Variants in PTK2B observed in about 807,000 individuals in gnomAD.
PTK2B encodes protein-tyrosine kinase 2-beta.
PTK2B carries 71 observed loss-of-function variants against 142.9 expected under a neutral mutation model. The ratio of observed to expected loss-of-function variants is 0.50; its 90% confidence interval spans 0.41 to 0.61. The LOEUF (loss-of-function observed/expected upper bound fraction) is 0.61, where lower values mean the gene tolerates loss of function less well. PTK2B is among the 20% of genes least tolerant of loss of function. PTK2B has a pLI of 0.00. For synonymous variants in PTK2B, 519 were observed against 503.4 expected (o/e 1.03, Z -0.42); for missense variants, 1,105 against 1,320.4 (o/e 0.84, Z 2.53).
intron 2 of PTK2B, among the ~76,000 whole-genome samples, chr8:27,401,924 A>G (rs1360469643): frequency 2.0e-5 from 3 of 152,150 alleles, no homozygotes; most frequent in Non-Finnish European, 4.4e-5. Context: ...AGTAGTGGTG[A>G]TGGTAGTGAT....
At chr8:27,329,329 C>T (rs112048175) in intron 1 of PTK2B, among the ~76,000 whole-genome samples, 6 of 152,314 alleles carry the variant, frequency 3.9e-5, no homozygotes, top group Non-Finnish European at 7.3e-5. Flanking sequence ...GGCCATGTTT[C>T]ATCGTGCAGA....
chr8:27,458,385 G>A lies in PTK2B; in HGVS notation c.2906G>A (p.Ser969Asn), dbSNP rs565067064. ...CAGCAGAACGCCGTGACCTCCCTAAGTGAGGAGTGCAAGAGGCAGATGCTG... is the reference window on the plus strand; with the variant it reads ...CAGCAGAACGCCGTGACCTCCCTAAATGAGGAGTGCAAGAGGCAGATGCTG... ...LAQQNAVTSL[S>N]EECKRQMLTA... is the part of the protein sequence containing the mutation. Residue 969 changes from serine to asparagine, a missense_variant, in exon 31 of 31, where the codon AGT (serine) becomes AAT (asparagine). Transcript: ENST00000346049. The A allele has an allele frequency of 2.4e-5, 38 of 1,613,606 alleles. No homozygotes were observed. Among genetic ancestry groups the A allele is most frequent in the Admixed American group, 1.3e-4 (8 of 59,946 alleles).
At chr8:27,328,912 A>G (rs1477613023) in intron 1 of PTK2B, among the ~76,000 whole-genome samples, 1 of 151,242 alleles carries the variant, frequency 6.6e-6, no homozygotes, top group African/African-American at 2.4e-5. Context: ...CTTAGAGAAG[A>G]TCTTCAAGGA....
At chr8:27,397,924 A>T in intron 2 of PTK2B, 136 bp downstream of exon 2, 1 of 1,110,754 alleles carries the variant, frequency 9.0e-7, no homozygotes, top group Non-Finnish European at 1.3e-6. Context: ...CATCAGAGAG[A>T]TGTGCTCAGC....
At position 27,454,137 on chromosome 8, in the gene PTK2B, C is replaced by A. The variant is rs2132519745; in HGVS notation, c.2596-17C>A. ...TGGCTCTCCCCAACTCACTGGCCAC[C>A]TGCGTCTTCCCCTCAGTCCATCCAG... On this transcript the variant is annotated splice_polypyrimidine_tract_variant and intron_variant, in intron 28 of 30. Coordinates refer to ENST00000346049, the MANE Select transcript of PTK2B (RefSeq NM_173176.3). 6.2e-7 allele frequency: 1 copy of A among 1,613,902 alleles called. No homozygotes were observed. Among genetic ancestry groups the A allele is most frequent in the East Asian group, 2.2e-5 (1 of 44,878 alleles).
intron 5 of PTK2B, among the ~76,000 whole-genome samples, 164 bp downstream of exon 5, chr8:27,422,547 G>T (rs989821493): frequency 7.9e-5 from 12 of 152,282 alleles, no homozygotes; most frequent in African/African-American, 2.9e-4. Flanking sequence ...CTGGGTGTTG[G>T]GTCTTCAGGA....
chr8:27,413,930 TTATC>T (rs1202168104), intron 2 of PTK2B, among the ~76,000 whole-genome samples: 1 of 152,220 alleles, frequency 6.6e-6, no homozygotes, highest in Non-Finnish European at 1.5e-5. Context: ...CCCCAATTAT[TTATC>T]TGTCTTAGAT....
At chr8:27,365,103 C>A (rs1035400098) in intron 1 of PTK2B, among the ~76,000 whole-genome samples, 4 of 152,234 alleles carry the variant, frequency 2.6e-5, no homozygotes, top group African/African-American at 9.6e-5. Flanking sequence ...CCTGGAAGGT[C>A]CAACTCATAT....
At chr8:27,321,588 G>C (rs1177064155), upstream of PTK2B, among the ~76,000 whole-genome samples, 1 of 152,192 alleles carries the variant, frequency 6.6e-6, no homozygotes, top group African/African-American at 2.4e-5. Context: ...TTGTCAGGTG[G>C]AGGTGGAAAA....
At position 27,354,994 on chromosome 8, in the gene PTK2B, C is replaced by T. The variant is rs573405326; in HGVS notation, c.-38+29313C>T. Reference sequence around the variant, plus strand: ...GAGGGAATGATGTTCTTACAGTAAACGACTCTTTTTGATTCTGCCTCTTAA... The same window carrying T: ...GAGGGAATGATGTTCTTACAGTAAATGACTCTTTTTGATTCTGCCTCTTAA... On this transcript the variant is annotated intron_variant, in intron 1 of 30. Coordinates refer to ENST00000346049, the MANE Select transcript of PTK2B (RefSeq NM_173176.3). Among the ~76,000 whole-genome samples the T allele has an allele frequency of 1.9e-4, 29 of 152,276 alleles. No homozygotes were observed. In the East Asian group the frequency reaches 4.2e-3, roughly 22 times the overall value.
At position 27,453,148 on chromosome 8, in the gene PTK2B, G is replaced by A. The variant is rs902103386; in HGVS notation, c.2583G>A (p.Arg861=). ...CAGGGCCCCCACAGAAGCCCCCGAG[G>A]CTGGGCGCACAGGTATGTGTTGGCT... The part of the protein sequence containing the change: ...EFTGPPQKPP[R]LGAQSIQPTA... Residue 861 remains arginine, a synonymous_variant, in exon 28 of 31, where the codon AGG becomes AGA. Transcript: ENST00000346049. 6.2e-7 allele frequency: 1 copy of A among 1,614,158 alleles called. No individual in the cohort carries two copies. Among genetic ancestry groups the A allele is most frequent in the Admixed American group, 1.7e-5 (1 of 60,028 alleles).
At position 27,403,718 on chromosome 8, in the gene PTK2B, C is replaced by T. The variant is rs149379405; in HGVS notation, c.204+5930C>T. 6.6e-5 allele frequency among the ~76,000 whole-genome samples: 10 copies of T among 152,102 alleles called. No individual in the cohort carries two copies. The East Asian group carries it at 9.7e-4, about 15-fold the overall frequency. ...AACAACTGGCAGAGTGGCACCCAGA[C>T]GTGCCCACACAGGGCGGCTCTCTTT... On this transcript the variant is annotated intron_variant, in intron 2 of 30. Transcript: ENST00000346049.
At chr8:27,414,129 T>A (rs1809234824) in intron 2 of PTK2B, among the ~76,000 whole-genome samples, 1 of 152,230 alleles carries the variant, frequency 6.6e-6, no homozygotes, top group Non-Finnish European at 1.5e-5. Context: ...CTTGTACTTT[T>A]CCCCCTAGCC....
intron 2 of PTK2B, among the ~76,000 whole-genome samples, chr8:27,398,781 C>G (rs1808212882): frequency 6.6e-6 from 1 of 152,212 alleles, no homozygotes; most frequent in Non-Finnish European, 1.5e-5. Flanking sequence ...CCCTAAACTC[C>G]ATGAATGTTT....
At position 27,332,061 on chromosome 8, in the gene PTK2B, T is replaced by G. The variant is rs532058693; in HGVS notation, c.-38+6380T>G. On this transcript the variant is annotated intron_variant, in intron 1 of 30. Transcript: ENST00000346049. ...CGCTATTTAGGCAGATGTTTGGTGCTGGCAGACAGCGGTGCCAACCAAGAC... is the reference window on the plus strand; with the variant it reads ...CGCTATTTAGGCAGATGTTTGGTGCGGGCAGACAGCGGTGCCAACCAAGAC... Among the ~76,000 whole-genome samples, 6 of 152,348 alleles carry G rather than the reference T, an allele frequency of 3.9e-5. No homozygotes were observed. In the East Asian group the frequency reaches 9.6e-4, roughly 24 times the overall value.
intron 6 of PTK2B, 73 bp downstream of exon 6, chr8:27,430,228 T>C (rs1241633768): frequency 6.3e-7 from 1 of 1,578,302 alleles, no homozygotes; most frequent in Non-Finnish European, 8.7e-7. Flanking sequence ...CACCCTCTCC[T>C]CCACCCCTCC....
At chr8:27,370,474 T>G (rs1806284804) in intron 1 of PTK2B, among the ~76,000 whole-genome samples, 1 of 152,244 alleles carries the variant, frequency 6.6e-6, no homozygotes, top group Admixed American at 6.5e-5. Flanking sequence ...TCACCTCCTC[T>G]GTGGTCTATC....
chr8:27,350,598 A>G (rs968149128), intron 1 of PTK2B, among the ~76,000 whole-genome samples: 1 of 151,880 alleles, frequency 6.6e-6, no homozygotes, highest in African/African-American at 2.4e-5. Flanking sequence ...AAGTGGGGGA[A>G]CTCCTGCTTC....
rs1458982311 is a variant in PTK2B at position 27,427,168 on chromosome 8, C to T, written c.552-2925C>T. Among the ~76,000 whole-genome samples the T allele has an allele frequency of 2.0e-5, 3 of 152,152 alleles. 1 individual carries two copies. The highest frequency in any genetic ancestry group is 7.2e-5 in the African/African-American group (3 of 41,430). ...TCTTCTGGCACCTTTAGAAAACATA[C>T]TGAGCCCGTGTTACCTGCTTGTCCT... On this transcript the variant is annotated intron_variant, in intron 5 of 30. Transcript: ENST00000346049.
Sources: gnomAD v4.1 joint callset for allele counts (sites outside exome capture counted in the v4.1 genomes callset) on GRCh38, gnomAD v4.1.1 for gene constraint, MANE v1.5 for transcripts, NCBI Gene and HGNC (gene_info 2026-07-23, HGNC 2026-07-21) for gene names.